Variants in PRKCA observed in about 807,000 individuals in gnomAD.
The protein encoded by PRKCA is protein kinase C alpha type.
A neutral mutation model predicts 87.0 loss-of-function variants in PRKCA; 27 were observed. The ratio of observed to expected loss-of-function variants is 0.31; its 90% CI spans 0.23 to 0.43. The LOEUF (loss-of-function observed/expected upper bound fraction) is 0.43. Among genes scored for constraint, PRKCA ranks in the 20% least tolerant of loss-of-function variants. The pLI, the probability that PRKCA is intolerant of heterozygous loss-of-function variation, is 1.00. For missense variants in PRKCA, 518 were observed against 852.3 expected, an observed-to-expected ratio of 0.61 and a Z score of 4.88; for synonymous variants, 329 against 311.1, an observed-to-expected ratio of 1.06 and a Z score of -0.61.
chr17:66,656,848 G>T (rs755465272), intron 5 of PRKCA, among the ~76,000 whole-genome samples: 3 of 152,146 alleles, frequency 2.0e-5, no homozygotes, highest in Non-Finnish European at 4.4e-5. Flanking sequence ...GGTAGGAATG[G>T]CTCAGTAGGA....
intron 10 of PRKCA, among the ~76,000 whole-genome samples, chr17:66,737,955 T>TTCTCCC (rs1974074341): frequency 6.6e-6 from 1 of 152,238 alleles, no homozygotes; most frequent in African/African-American, 2.4e-5. Context: ...CATCATTTTT[T>TTCTCCC]TCTCCCTGTG....
At chr17:66,712,059 C>T (rs1973344373) in intron 8 of PRKCA, among the ~76,000 whole-genome samples, 1 of 152,098 alleles carries the variant, frequency 6.6e-6, no homozygotes, top group Non-Finnish European at 1.5e-5. Flanking sequence ...TCCCATGATT[C>T]AATGCAGGGT....
chr17:66,688,291 G>T lies in PRKCA; in HGVS notation c.687-11G>T. 6.2e-7 allele frequency: 1 copy of T among 1,613,812 alleles called. No individual in the cohort carries two copies. On this transcript the variant is annotated splice_polypyrimidine_tract_variant and intron_variant, in intron 6 of 16. Coordinates refer to ENST00000413366, the MANE Select transcript of PRKCA (RefSeq NM_002737.3). ...GATAACCTAGTGTTTGCATGTGTGT[G>T]TGTCTTGTAGCAAATTGAAACCTTC...
In PRKCA at chr17:66,302,776, C is replaced by T. The variant is rs565730886; in HGVS notation, c.-76C>T. 14 of 1,336,118 alleles carry T rather than the reference C, an allele frequency of 1.0e-5. No homozygotes were observed. In the East Asian group the frequency reaches 3.6e-4, roughly 35 times the overall value. The allele number at this position is 1,336,118 out of a possible 1,614,324, so 82.8% of individuals were successfully genotyped here. ...GGGGTCGCCCCGAGCCCGCACCTCT[C>T]CCCCGCCGCCCCCGCCCACCCGGCC... On this transcript the variant is annotated 5_prime_UTR_variant, in exon 1 of 17. Transcript: ENST00000413366.
chr17:66,594,406 T>G (rs191256146), intron 3 of PRKCA, among the ~76,000 whole-genome samples: 2 of 152,314 alleles, frequency 1.3e-5, no homozygotes, highest in East Asian at 3.9e-4. Context: ...AACAAAGCTG[T>G]AGATTACTTG....
chr17:66,753,682 G>A (rs769547294), intron 13 of PRKCA, among the ~76,000 whole-genome samples: 1 of 152,120 alleles, frequency 6.6e-6, no homozygotes. Flanking sequence ...CCTTGAAGAA[G>A]GTAATTAGGG....
chr17:66,426,871 A>T (rs1175891083), intron 2 of PRKCA, among the ~76,000 whole-genome samples: 1 of 152,178 alleles, frequency 6.6e-6, no homozygotes, highest in African/African-American at 2.4e-5. Context: ...CCATGAGGAA[A>T]GCTGGCAGAA....
intron 3 of PRKCA, among the ~76,000 whole-genome samples, chr17:66,593,816 G>T (rs937010634): frequency 6.6e-6 from 1 of 152,278 alleles, no homozygotes; most frequent in East Asian, 1.9e-4. Context: ...GGGTGTGGGG[G>T]CCCACGCCTG....
chr17:66,341,485 CT>C (rs1243345799), intron 2 of PRKCA, among the ~76,000 whole-genome samples: 3 of 152,180 alleles, frequency 2.0e-5, no homozygotes, highest in Non-Finnish European at 2.9e-5. Flanking sequence ...GCCAGTAATT[CT>C]TGCATCGTAG....
At position 66,677,980 on chromosome 17, in the gene PRKCA, T is replaced by C. The variant is rs76236371; in HGVS notation, c.530-9131T>C. ...TCAAGAAGAAATTCCTCAGTAGTAC[T>C]TGTAGTAGGATGAATAACCACCACC... On this transcript the variant is annotated intron_variant, in intron 5 of 16. Transcript: ENST00000413366. 1.6e-3 allele frequency among the ~76,000 whole-genome samples: 251 copies of C among 152,308 alleles called. 2 individuals carry two copies. Among genetic ancestry groups the C allele is most frequent in the Middle Eastern group, 6.8e-3 (2 of 294 alleles).
chr17:66,394,007 G>A (rs561394727), intron 2 of PRKCA, among the ~76,000 whole-genome samples: 8 of 152,020 alleles, frequency 5.3e-5, no homozygotes, highest in East Asian at 3.9e-4. Context: ...CCTGGGAGGC[G>A]GAGGTTGCAG....
At chr17:66,556,913 A>G (rs1968513284) in intron 3 of PRKCA, among the ~76,000 whole-genome samples, 2 of 152,104 alleles carry the variant, frequency 1.3e-5, no homozygotes, top group Non-Finnish European at 2.9e-5. Flanking sequence ...ATACACTACT[A>G]CCTGATACTC....
At chr17:66,557,955 C>T (rs1968553683) in intron 3 of PRKCA, among the ~76,000 whole-genome samples, 1 of 152,224 alleles carries the variant, frequency 6.6e-6, no homozygotes, top group Non-Finnish European at 1.5e-5. Context: ...CATCCCCATG[C>T]AGTCCAGACA....
intron 2 of PRKCA, among the ~76,000 whole-genome samples, chr17:66,353,330 G>A (rs1470256014): frequency 3.9e-5 from 6 of 152,200 alleles, no homozygotes; most frequent in East Asian, 1.9e-4. Flanking sequence ...GCTGTGTGCC[G>A]AATTTTATGA....
At chr17:66,548,458 A>G (rs1193558916) in intron 3 of PRKCA, among the ~76,000 whole-genome samples, 1 of 152,162 alleles carries the variant, frequency 6.6e-6, no homozygotes, top group East Asian at 1.9e-4. Flanking sequence ...CCTCTAACAA[A>G]TGAGGACTTA....
intron 8 of PRKCA, among the ~76,000 whole-genome samples, chr17:66,713,132 A>G (rs1233065057): frequency 7.2e-6 from 1 of 139,094 alleles, no homozygotes; most frequent in Non-Finnish European, 1.5e-5. Flanking sequence ...GCTCATTGCA[A>G]CCTCCACCTC....
intron 2 of PRKCA, among the ~76,000 whole-genome samples, chr17:66,387,882 C>T (rs1910149426): frequency 6.6e-6 from 1 of 152,194 alleles, no homozygotes; most frequent in Non-Finnish European, 1.5e-5. Flanking sequence ...ACCCACCTCA[C>T]CTTGGAGTGG....
chr17:66,426,553 T>C (rs1166405947), intron 2 of PRKCA, among the ~76,000 whole-genome samples: 2 of 152,124 alleles, frequency 1.3e-5, no homozygotes, highest in Admixed American at 6.5e-5. Flanking sequence ...AGGAAGATTA[T>C]TGTAGCACCA....
At chr17:66,401,292 G>A (rs1416443236) in intron 2 of PRKCA, among the ~76,000 whole-genome samples, 1 of 152,202 alleles carries the variant, frequency 6.6e-6, no homozygotes, top group African/African-American at 2.4e-5. Flanking sequence ...TAAAGCCAGA[G>A]CTGAATTTGG....
Sources: allele counts gnomAD v4.1 joint callset (sites outside exome capture counted in the v4.1 genomes callset), GRCh38; gene constraint gnomAD v4.1.1; transcripts MANE v1.5; gene names NCBI Gene and HGNC (gene_info 2026-07-23, HGNC 2026-07-21).